The following SOS1 variants were observed in gnomAD, a reference collection of about 807,000 sequenced individuals.
The protein encoded by SOS1 is SOS Ras/Rac guanine nucleotide exchange factor 1.
SOS1 carries 25 observed loss-of-function variants against 157.6 expected under a neutral mutation model. The ratio of observed to expected loss-of-function variants is 0.16; its 90% CI spans 0.12 to 0.22. The LOEUF (loss-of-function observed/expected upper bound fraction) is 0.22. Among genes scored for constraint, SOS1 ranks in the 10% least tolerant of loss-of-function variants. The pLI is 1.00. For missense variants in SOS1, 1,237 were observed against 1,599.1 expected (o/e 0.77, Z 3.86); for synonymous variants, 528 against 534.0 (o/e 0.99, Z 0.16).
intron 20 of SOS1, among the ~76,000 whole-genome samples, chr2:38,991,041 A>G (rs891930101): frequency 6.6e-6 from 1 of 152,114 alleles, no homozygotes; most frequent in African/African-American, 2.4e-5. Context: ...TTAGAATCCT[A>G]TGGGAAGTTT....
intron 1 of SOS1, among the ~76,000 whole-genome samples, chr2:39,073,331 C>T (rs2148151724): frequency 6.6e-6 from 1 of 152,282 alleles, no homozygotes; most frequent in Middle Eastern, 3.4e-3. Context: ...ACATCAATTA[C>T]TTTTGCACCA....
At chr2:39,108,217 C>T (rs951645936) in intron 1 of SOS1, among the ~76,000 whole-genome samples, 1 of 152,152 alleles carries the variant, frequency 6.6e-6, no homozygotes, top group African/African-American at 2.4e-5. Flanking sequence ...TAATCAAAGC[C>T]ACCTATCATC....
At chr2:39,123,434 T>A (rs955403642), upstream of SOS1, among the ~76,000 whole-genome samples, 9 of 151,608 alleles carry the variant, frequency 5.9e-5, no homozygotes, top group African/African-American at 2.2e-4. Context: ...CTTGGCTCAC[T>A]ACAACCTCCA....
chr2:39,002,323 T>C (rs4643520), intron 17 of SOS1, among the ~76,000 whole-genome samples: 142,550 of 151,410 alleles, frequency 0.94, 67,209 homozygotes, highest in African/African-American at 0.98. Flanking sequence ...GAAACTGTCT[T>C]AAAAAAAAAG....
At chr2:39,085,290 C>T (rs1227646654) in intron 1 of SOS1, among the ~76,000 whole-genome samples, 1 of 152,222 alleles carries the variant, frequency 6.6e-6, no homozygotes, top group Non-Finnish European at 1.5e-5. Flanking sequence ...TCAAGCGATC[C>T]TCCTGCCTTG....
At chr2:39,031,420 G>A (rs1464977712) in intron 8 of SOS1, among the ~76,000 whole-genome samples, 1 of 152,134 alleles carries the variant, frequency 6.6e-6, no homozygotes, top group African/African-American at 2.4e-5. Context: ...AACATGTACT[G>A]ATTTGCTAAC....
intron 1 of SOS1, among the ~76,000 whole-genome samples, chr2:39,097,730 A>T (rs1672823012): frequency 6.6e-6 from 1 of 151,618 alleles, no homozygotes; most frequent in Non-Finnish European, 1.5e-5. Flanking sequence ...TGCCCAGCTA[A>T]TTTTTTGCAT....
intron 17 of SOS1, among the ~76,000 whole-genome samples, chr2:39,003,066 C>CAAAAAAAAAAAAAAAAAAA (rs57338404): frequency 1.4e-5 from 1 of 72,304 alleles, no homozygotes; most frequent in African/African-American, 4.0e-5. Flanking sequence ...GACCTTGTAT[C>CAAAAAAAAAAAAAAAAAAA]AAAAAAAAAA....
chr2:38,997,013 A>G lies in SOS1; in HGVS notation c.2990T>C (p.Met997Thr), dbSNP rs1321926273. 4 of 1,597,356 alleles carry G rather than the reference A, an allele frequency of 2.5e-6. No homozygotes were observed. The highest frequency in any genetic ancestry group is 4.5e-5 in the East Asian group (2 of 44,596). Residue 997 changes from methionine to threonine, a missense_variant, in exon 19 of 23, where the codon ATG becomes ACG. By Grantham distance (81) the Met-to-Thr change is moderately conservative. Transcript: ENST00000402219. ...IKRFFENLNP[M>T]GNSMEKEFTD... ...AAATTCCTTCTCCATGCTATTTCCC[A>G]TCGGATTCAAGTTTTCAAAGAACCT... is the stretch of plus-strand genomic sequence containing the variant.
intron 1 of SOS1, among the ~76,000 whole-genome samples, chr2:39,077,673 G>T (rs1349603191): frequency 6.6e-6 from 1 of 152,154 alleles, no homozygotes; most frequent in Non-Finnish European, 1.5e-5. Context: ...CTTGTATACA[G>T]ATCTTGTATG....
At chr2:39,094,085 G>A (rs72906469) in intron 1 of SOS1, among the ~76,000 whole-genome samples, 5,363 of 151,898 alleles carry the variant, frequency 0.035, 297 homozygotes, top group African/African-American at 0.11. Flanking sequence ...AATCCAGATC[G>A]TACTATTAAG....
chr2:39,072,309 A>T lies in SOS1; in HGVS notation c.88-4556T>A, dbSNP rs187164460. Among the ~76,000 whole-genome samples, 8 of 152,012 alleles carry T rather than the reference A, an allele frequency of 5.3e-5. No individual in the cohort carries two copies. In the East Asian group the frequency reaches 1.5e-3, roughly 29 times the overall value. On this transcript the variant is annotated intron_variant, in intron 1 of 22. Coordinates refer to ENST00000402219, the MANE Select transcript of SOS1 (RefSeq NM_005633.4). ...ATTTTCTCCTTGCTTTTCACTCTAA[A>T]CCCCTGACATTCAGGGGATACTCAA...
chr2:39,002,739 A>C (rs1669145473), intron 17 of SOS1, among the ~76,000 whole-genome samples: 1 of 152,136 alleles, frequency 6.6e-6, no homozygotes, highest in Admixed American at 6.5e-5. Context: ...CCAGGAAGAG[A>C]AAATCAATGA....
chr2:39,054,862 G>A, intron 4 of SOS1, 39 bp from the exon 5 acceptor site: 2 of 1,051,736 alleles, frequency 1.9e-6, no homozygotes, highest in East Asian at 4.7e-5. Flanking sequence ...AATAAAATAT[G>A]AAGCTTTCGT....
rs2124445723 is a variant in SOS1, at chr2:38,982,426, C to T, written c.*3398G>A. 1 of 152,176 alleles carries T rather than the reference C, an allele frequency of 6.6e-6. No homozygotes were observed. Among genetic ancestry groups the T allele is most frequent in the East Asian group, 1.9e-4 (1 of 5,180 alleles). 9.4% of individuals were successfully genotyped at this position (152,176 alleles called of 1,614,324 possible). On this transcript the variant is annotated 3_prime_UTR_variant, in exon 23 of 23. Transcript: ENST00000402219. ...AATATTGAATAAAGTCATCATGTTC[C>T]CTTATAAATAACTTTACTGCATAAT... is the stretch of plus-strand genomic sequence containing the variant.
At chr2:39,033,633 T>C (rs1458437511) in intron 8 of SOS1, among the ~76,000 whole-genome samples, 2 of 152,110 alleles carry the variant, frequency 1.3e-5, no homozygotes, top group Non-Finnish European at 2.9e-5. Context: ...CCTCCTGAGC[T>C]CAAGTGTTCC....
chr2:39,098,411 A>T, intron 1 of SOS1: 1 of 192,446 alleles, frequency 5.2e-6, no homozygotes, highest in Non-Finnish European at 1.0e-5. Context: ...ACGGTCATAC[A>T]GTGGAAGAAA....
At chr2:39,075,605 A>AAGT (rs397736679) in intron 1 of SOS1, among the ~76,000 whole-genome samples, 3 of 151,914 alleles carry the variant, frequency 2.0e-5, no homozygotes, top group South Asian at 2.1e-4. Context: ...GGAGTCCGAG[A>AAGT]CCAGCCTGGA....
At chr2:39,079,182 G>T (rs1032695666) in intron 1 of SOS1, among the ~76,000 whole-genome samples, 3 of 1,712 alleles carry the variant, frequency 1.8e-3, no homozygotes, top group African/African-American at 9.4e-3. Flanking sequence ...TTTAGAAAAT[G>T]AATATTACTT....
Sources: allele counts gnomAD v4.1 joint callset (sites outside exome capture counted in the v4.1 genomes callset), GRCh38; gene constraint gnomAD v4.1.1; transcripts MANE v1.5; gene names NCBI Gene and HGNC (gene_info 2026-07-23, HGNC 2026-07-21).